The following DLG2 variants were observed in gnomAD, a reference collection of about 807,000 sequenced individuals.
The protein encoded by DLG2 is discs large MAGUK scaffold protein 2.
Under a neutral mutation model 132.5 loss-of-function variants are expected in DLG2, and 45 were observed. The observed-to-expected ratio is 0.34, with a 90% CI of 0.27 to 0.44. The LOEUF (loss-of-function observed/expected upper bound fraction) is 0.44, where lower values mean the gene tolerates loss of function less well. Among genes scored for constraint, DLG2 ranks in the 20% least tolerant of loss-of-function variants. The pLI, the probability that DLG2 is intolerant of heterozygous loss-of-function variation, is 1.00. For synonymous variants in DLG2, 424 were observed against 419.6 expected, an observed-to-expected ratio of 1.01 and a Z score of -0.13; for missense variants, 1,045 against 1,196.9, an observed-to-expected ratio of 0.87 and a Z score of 1.87.
At chr11:85,608,198 T>C (rs954476320) in intron 2 of DLG2, among the ~76,000 whole-genome samples, 2 of 152,084 alleles carry the variant, frequency 1.3e-5, no homozygotes, top group African/African-American at 4.8e-5. Context: ...ACCAAAACCA[T>C]GGGTGGTTTT....
At chr11:83,641,923 G>C (rs1440393176) in intron 18 of DLG2, among the ~76,000 whole-genome samples, 2 of 151,822 alleles carry the variant, frequency 1.3e-5, no homozygotes, top group African/African-American at 4.8e-5. Flanking sequence ...GAGAGAGAGA[G>C]AGAGACATAG....
At chr11:83,877,919 G>A (rs2065177386) in intron 15 of DLG2, among the ~76,000 whole-genome samples, 1 of 152,188 alleles carries the variant, frequency 6.6e-6, no homozygotes, top group South Asian at 2.1e-4. Flanking sequence ...TTCGGACCAA[G>A]TAGGTTCTAT....
chr11:84,950,176 C>T (rs1000913632), intron 6 of DLG2, among the ~76,000 whole-genome samples: 2 of 152,106 alleles, frequency 1.3e-5, no homozygotes, highest in African/African-American at 4.8e-5. Flanking sequence ...CATATTTGTA[C>T]ATTTTTAAAG....
At chr11:85,609,298 C>T (rs1201648409) in intron 2 of DLG2, among the ~76,000 whole-genome samples, 1 of 152,122 alleles carries the variant, frequency 6.6e-6, no homozygotes, top group African/African-American at 2.4e-5. Flanking sequence ...CAGGAGAAAG[C>T]TCCAAAAGCA....
intron 6 of DLG2, among the ~76,000 whole-genome samples, chr11:84,558,255 T>C (rs529577561): frequency 1.3e-5 from 2 of 152,188 alleles, no homozygotes; most frequent in South Asian, 4.1e-4. Context: ...ACATCCCTTG[T>C]GTGCAGCATT....
intron 15 of DLG2, among the ~76,000 whole-genome samples, chr11:83,922,042 T>C (rs1041462115): frequency 2.6e-5 from 4 of 152,118 alleles, no homozygotes; most frequent in Non-Finnish European, 4.4e-5. Context: ...AAATAAGAGC[T>C]TTTAAAACAG....
intron 15 of DLG2, among the ~76,000 whole-genome samples, chr11:83,913,957 A>T (rs2076491464): frequency 6.6e-6 from 1 of 152,182 alleles, no homozygotes; most frequent in African/African-American, 2.4e-5. Flanking sequence ...ACCAGTGGGT[A>T]AATACTTCAG....
chr11:84,703,570 A>G (rs1189513964), intron 6 of DLG2, among the ~76,000 whole-genome samples: 1 of 151,476 alleles, frequency 6.6e-6, no homozygotes, highest in Non-Finnish European at 1.5e-5. Context: ...CAAGTCCACA[A>G]AATGCCCCAC....
intron 17 of DLG2, chr11:83,790,148 AG>A: frequency 1.2e-6 from 1 of 851,612 alleles, no homozygotes; most frequent in Non-Finnish European, 1.9e-6. Context: ...AGATCCAGGC[AG>A]CTGAGACCTT....
At chr11:85,333,598 G>C (rs1034931145) in intron 3 of DLG2, among the ~76,000 whole-genome samples, 11 of 151,546 alleles carry the variant, frequency 7.3e-5, no homozygotes, top group Non-Finnish European at 1.3e-4. Flanking sequence ...TCTGAGGTAT[G>C]TTCCTTTGAT....
intron 9 of DLG2, among the ~76,000 whole-genome samples, chr11:84,145,997 G>A (rs748691976): frequency 1.1e-4 from 17 of 152,162 alleles, no homozygotes; most frequent in Admixed American, 1.1e-3. Flanking sequence ...GACTCAGATA[G>A]TTAACACTGC....
intron 2 of DLG2, among the ~76,000 whole-genome samples, chr11:85,604,232 G>A (rs192248448): frequency 1.4e-4 from 22 of 152,258 alleles, no homozygotes; most frequent in African/African-American, 5.1e-4. Flanking sequence ...CTCCAAGTTA[G>A]GCTTTCACAC....
At chr11:84,943,666 G>T (rs574741633) in intron 6 of DLG2, among the ~76,000 whole-genome samples, 2 of 151,900 alleles carry the variant, frequency 1.3e-5, no homozygotes, top group Non-Finnish European at 2.9e-5. Flanking sequence ...ACTTTTTATT[G>T]TTTCTATTTA....
At chr11:83,560,969 G>A (rs2096600040) in intron 19 of DLG2, among the ~76,000 whole-genome samples, 1 of 150,738 alleles carries the variant, frequency 6.6e-6, no homozygotes, top group Non-Finnish European at 1.5e-5. Flanking sequence ...CATGATGCTG[G>A]CATCTGCTCA....
chr11:85,377,344 GAACTTGGGC>G (rs2152925483), intron 3 of DLG2, among the ~76,000 whole-genome samples: 1 of 152,234 alleles, frequency 6.6e-6, no homozygotes, highest in South Asian at 2.1e-4. Context: ...CTACCTGTGT[GAACTTGGGC>G]AAGTTATGAA....
At chr11:83,505,891 T>C (rs995838085) in intron 21 of DLG2, among the ~76,000 whole-genome samples, 3 of 152,192 alleles carry the variant, frequency 2.0e-5, no homozygotes, top group Non-Finnish European at 2.9e-5. Flanking sequence ...CTTCTCTTCC[T>C]CTGTCTACTG....
chr11:83,861,709 T>G (rs1243051088), intron 16 of DLG2, among the ~76,000 whole-genome samples: 1 of 152,110 alleles, frequency 6.6e-6, no homozygotes, highest in Non-Finnish European at 1.5e-5. Context: ...GAAGGATAGT[T>G]ACCCGAGGCT....
chr11:85,100,623 G>C (rs1381062458), intron 6 of DLG2, among the ~76,000 whole-genome samples: 1 of 152,076 alleles, frequency 6.6e-6, no homozygotes, highest in African/African-American at 2.4e-5. Context: ...TTAATAACCA[G>C]TAACAGTACA....
intron 3 of DLG2, among the ~76,000 whole-genome samples, chr11:85,348,462 A>G (rs954593558): frequency 6.6e-6 from 1 of 151,624 alleles, no homozygotes; most frequent in Non-Finnish European, 1.5e-5. Context: ...TGACCTCGTG[A>G]TCCGCCCGCC....
Sources: allele counts gnomAD v4.1 joint callset (sites outside exome capture counted in the v4.1 genomes callset), GRCh38; gene constraint gnomAD v4.1.1; transcripts MANE v1.5; gene names NCBI Gene and HGNC (gene_info 2026-07-23, HGNC 2026-07-21).